Variants in SCD5 observed in about 807,000 individuals in gnomAD.
SCD5 encodes stearoyl-CoA desaturase 5.
SCD5 carries 20 observed loss-of-function variants against 30.4 expected under a neutral mutation model. That is an observed-to-expected ratio of 0.66 (90% confidence interval 0.46 to 0.96). The LOEUF is 0.96. Ranked by LOEUF, SCD5 falls within the 40% of genes least tolerant of loss-of-function variation. The pLI is 0.00. For missense variants in SCD5, 381 were observed against 443.3 expected (o/e 0.86, Z 1.26); for synonymous variants, 173 against 176.4 (o/e 0.98, Z 0.16).
chr4:82,738,341 G>C (rs1720798273), intron 1 of SCD5, among the ~76,000 whole-genome samples: 1 of 151,776 alleles, frequency 6.6e-6, no homozygotes, highest in African/African-American at 2.4e-5. Flanking sequence ...AAAATCGCTT[G>C]AACCCAGGAG....
intron 3 of SCD5, among the ~76,000 whole-genome samples, chr4:82,653,709 T>TAGATAGATAGATAG (rs1364551441): frequency 1.1e-4 from 15 of 136,240 alleles, no homozygotes; most frequent in Non-Finnish European, 1.3e-4. Context: ...TAGATAGATA[T>TAGATAGATAGATAG]AGATAGATAG....
chr4:82,758,821 C>T (rs961289513), intron 1 of SCD5, among the ~76,000 whole-genome samples: 1 of 152,218 alleles, frequency 6.6e-6, no homozygotes, highest in African/African-American at 2.4e-5. Flanking sequence ...GACAGCCTCA[C>T]TCCACTGACA....
At chr4:82,708,096 A>G (rs1187837858) in intron 1 of SCD5, among the ~76,000 whole-genome samples, 1 of 152,144 alleles carries the variant, frequency 6.6e-6, no homozygotes, top group Admixed American at 6.6e-5. Flanking sequence ...GGGTGGAGGA[A>G]AGGGGAAGAA....
At chr4:82,795,677 C>T (rs1430190936) in intron 1 of SCD5, among the ~76,000 whole-genome samples, 1 of 151,700 alleles carries the variant, frequency 6.6e-6, no homozygotes, top group African/African-American at 2.4e-5. Context: ...AAGAAAATAG[C>T]CAGGTGTGGT....
rs140118756 is a variant in SCD5 at position 82,796,217 on chromosome 4, C to T, written c.232+2089G>A. ...CCCAGGAGGCGGAGCTTGCGGTGAG[C>T]CGAGATCGCACCACTGCACTCCAGC... On this transcript the variant is annotated intron_variant, in intron 1 of 4. Coordinates refer to ENST00000319540, the MANE Select transcript of SCD5 (RefSeq NM_001037582.3). 1.9e-4 allele frequency among the ~76,000 whole-genome samples: 29 copies of T among 151,356 alleles called. No homozygotes were observed. The East Asian group carries it at 4.9e-3, about 25-fold the overall frequency.
intron 1 of SCD5, among the ~76,000 whole-genome samples, chr4:82,778,260 A>G (rs1448458892): frequency 6.6e-6 from 1 of 152,084 alleles, no homozygotes; most frequent in Non-Finnish European, 1.5e-5. Flanking sequence ...ACAAGTCAAT[A>G]GGTCAACAGC....
chr4:82,706,390 G>C (rs935321475), intron 1 of SCD5, among the ~76,000 whole-genome samples: 1 of 152,220 alleles, frequency 6.6e-6, no homozygotes. Context: ...CACAGACATT[G>C]TCTTGTCCTT....
At chr4:82,789,019 C>A (rs976869496) in intron 1 of SCD5, among the ~76,000 whole-genome samples, 1 of 152,056 alleles carries the variant, frequency 6.6e-6, no homozygotes, top group African/African-American at 2.4e-5. Context: ...TTTTGTGATA[C>A]CTGCAGCCAA....
At chr4:82,678,549 C>T (rs1007141269) in intron 3 of SCD5, among the ~76,000 whole-genome samples, 2 of 152,160 alleles carry the variant, frequency 1.3e-5, no homozygotes, top group East Asian at 1.9e-4. Flanking sequence ...TATATAGCAA[C>T]ATCATTTGTA....
rs889102732 is a variant in SCD5 at position 82,772,949 on chromosome 4, G to C, written c.232+25357C>G. 7.2e-5 allele frequency among the ~76,000 whole-genome samples: 11 copies of C among 152,280 alleles called. No homozygotes were observed. In the East Asian group the frequency reaches 2.1e-3, roughly 29 times the overall value. On this transcript the variant is annotated intron_variant, in intron 1 of 4. Transcript: ENST00000319540. ...TGCATTCCAAAGATGAACAAATAAA[G>C]TGGCTAGTTCAATGAGTCATAGGTT... is the stretch of plus-strand genomic sequence containing the variant.
intron 1 of SCD5, among the ~76,000 whole-genome samples, chr4:82,760,146 A>G (rs867795920): frequency 3.3e-5 from 5 of 151,898 alleles, no homozygotes; most frequent in South Asian, 2.1e-4. Context: ...TTTGCAAGAA[A>G]CCCCACGCCT....
intron 2 of SCD5, among the ~76,000 whole-genome samples, chr4:82,696,776 A>T (rs930894431): frequency 6.6e-6 from 1 of 152,224 alleles, no homozygotes. Context: ...TAGCAATGGA[A>T]TAAAGAATAT....
intron 1 of SCD5, among the ~76,000 whole-genome samples, chr4:82,760,866 G>A (rs530859461): frequency 6.2e-4 from 94 of 152,336 alleles, no homozygotes; most frequent in African/African-American, 1.8e-3. Flanking sequence ...GGAAGGGCCT[G>A]TGCCTGGTTC....
chr4:82,755,383 C>T lies in SCD5; in HGVS notation c.232+42923G>A, dbSNP rs189919210. Among the ~76,000 whole-genome samples, 244 of 152,254 alleles carry T rather than the reference C, an allele frequency of 1.6e-3. 1 individual carries two copies. Among genetic ancestry groups the T allele is most frequent in the African/African-American group, 5.5e-3 (228 of 41,546 alleles). On this transcript the variant is annotated intron_variant, in intron 1 of 4. Coordinates refer to ENST00000319540, the MANE Select transcript of SCD5 (RefSeq NM_001037582.3). Reference sequence around the variant, plus strand: ...GGCATGGTGGCACACGCCTGTAATTCCAGCTACTTGGGAGGCTGAGGCAGG... The same window carrying T: ...GGCATGGTGGCACACGCCTGTAATTTCAGCTACTTGGGAGGCTGAGGCAGG...
At chr4:82,728,972 T>C (rs900948405) in intron 1 of SCD5, among the ~76,000 whole-genome samples, 3 of 152,132 alleles carry the variant, frequency 2.0e-5, no homozygotes, top group African/African-American at 7.2e-5. Flanking sequence ...GCAAAGAAGA[T>C]GTGATTTCTG....
At chr4:82,652,219 G>A (rs191001880) in intron 3 of SCD5, among the ~76,000 whole-genome samples, 133 of 152,312 alleles carry the variant, frequency 8.7e-4, no homozygotes, top group African/African-American at 2.9e-3. Flanking sequence ...CCAAGAGATA[G>A]GGTAACTGTG....
intron 2 of SCD5, among the ~76,000 whole-genome samples, chr4:82,700,787 T>TAAAAAA (rs70938305): frequency 1.6e-5 from 1 of 63,802 alleles, no homozygotes; most frequent in South Asian, 8.2e-4. Flanking sequence ...ACCCTGTCTC[T>TAAAAAA]AAAAAAAAAA....
intron 3 of SCD5, among the ~76,000 whole-genome samples, chr4:82,663,743 C>G (rs1728085388): frequency 6.6e-6 from 1 of 152,184 alleles, no homozygotes; most frequent in African/African-American, 2.4e-5. Flanking sequence ...TCTGGGAGAG[C>G]AACTGAAGCA....
intron 3 of SCD5, chr4:82,660,768 G>C (rs1727982417): frequency 6.4e-7 from 1 of 1,566,686 alleles, no homozygotes; most frequent in African/African-American, 1.4e-5. Flanking sequence ...ACAGACTGCA[G>C]CTCTGTCTAT....
Sources: gnomAD v4.1 joint callset for allele counts (sites outside exome capture counted in the v4.1 genomes callset) on GRCh38, gnomAD v4.1.1 for gene constraint, MANE v1.5 for transcripts, NCBI Gene and HGNC (gene_info 2026-07-23, HGNC 2026-07-21) for gene names.